HEMK2: variants seen among roughly 807,000 people sequenced by gnomAD.
HEMK2 encodes methyltransferase HEMK2.
At chr21:28,719,543 G>A in the HEMK2 span, among the ~76,000 whole-genome samples, 1 of 152,156 alleles carries the variant, frequency 6.6e-6, no homozygotes, top group Non-Finnish European at 1.5e-5. Flanking sequence ...TGAACTGTGA[G>A]TCCATTGAAC....
the HEMK2 span, among the ~76,000 whole-genome samples, chr21:28,767,558 GCAA>G: frequency 0.066 from 9,971 of 149,992 alleles, 385 homozygotes; most frequent in Middle Eastern, 0.095. Context: ...ATTGGCAAGA[GCAA>G]CAACATTATG....
At chr21:28,811,919 G>A in the HEMK2 span, among the ~76,000 whole-genome samples, 38 of 152,224 alleles carry the variant, frequency 2.5e-4, no homozygotes, top group South Asian at 3.7e-3. Context: ...AAATTCATCC[G>A]TTCTTTAAAA....
the HEMK2 span, among the ~76,000 whole-genome samples, chr21:28,737,395 G>T: frequency 6.6e-6 from 1 of 152,170 alleles, no homozygotes; most frequent in African/African-American, 2.4e-5. Context: ...AAAGTTCTGG[G>T]ATTACAGTCA....
chr21:28,620,213 A>G, the HEMK2 span, among the ~76,000 whole-genome samples: 1 of 152,164 alleles, frequency 6.6e-6, no homozygotes, highest in Admixed American at 6.5e-5. Context: ...CATCAGGGAT[A>G]TTGGCCTGAA....
the HEMK2 span, among the ~76,000 whole-genome samples, chr21:28,615,344 C>T: frequency 1.1e-3 from 161 of 151,930 alleles, 1 homozygote; most frequent in African/African-American, 3.5e-3. Context: ...TCCCCCTCCT[C>T]CTCTTCCTTC....
At chr21:28,706,997 T>C in the HEMK2 span, among the ~76,000 whole-genome samples, 1 of 152,172 alleles carries the variant, frequency 6.6e-6, no homozygotes, top group Non-Finnish European at 1.5e-5. Context: ...GAAATGACAT[T>C]TGGATTCTCT....
At chr21:28,745,310 A>G in the HEMK2 span, among the ~76,000 whole-genome samples, 1 of 152,232 alleles carries the variant, frequency 6.6e-6, no homozygotes, top group East Asian at 1.9e-4. Flanking sequence ...CGATATTTCC[A>G]GTCTCCTTTC....
At chr21:28,885,336 C>A in the HEMK2 span, 23 of 1,576,864 alleles carry the variant, frequency 1.5e-5, no homozygotes, top group Non-Finnish European at 1.8e-5. Flanking sequence ...GCGAAGTTCT[C>A]CCCTGCCATA....
chr21:28,716,267 GA>G, the HEMK2 span, among the ~76,000 whole-genome samples: 1 of 152,116 alleles, frequency 6.6e-6, no homozygotes, highest in Non-Finnish European at 1.5e-5. Context: ...CATGTGCCTA[GA>G]ATGTTTTGTT....
the HEMK2 span, among the ~76,000 whole-genome samples, chr21:28,787,776 C>G: frequency 6.6e-6 from 1 of 152,162 alleles, no homozygotes; most frequent in Non-Finnish European, 1.5e-5. Context: ...CAAACTAGTA[C>G]AGCCACTAGA....
the HEMK2 span, among the ~76,000 whole-genome samples, chr21:28,738,557 G>A: frequency 6.6e-6 from 1 of 152,190 alleles, no homozygotes; most frequent in Non-Finnish European, 1.5e-5. Context: ...GGCAGGGACA[G>A]TTCAATCTGC....
chr21:28,721,517 C>T, the HEMK2 span, among the ~76,000 whole-genome samples: 1 of 151,886 alleles, frequency 6.6e-6, no homozygotes, highest in Non-Finnish European at 1.5e-5. Context: ...TTAAATGTGG[C>T]CACTAGAAAA....
At chr21:28,878,652 G>T in the HEMK2 span, among the ~76,000 whole-genome samples, 1 of 151,772 alleles carries the variant, frequency 6.6e-6, no homozygotes, top group Admixed American at 6.6e-5. Flanking sequence ...CCACTGTTAG[G>T]AATAAATAAG....
chr21:28,726,764 C>T, the HEMK2 span, among the ~76,000 whole-genome samples: 7 of 151,038 alleles, frequency 4.6e-5, no homozygotes, highest in East Asian at 9.8e-4. Flanking sequence ...AAAAATTAGC[C>T]GGGAGTGGTG....
At chr21:28,765,553 A>G in the HEMK2 span, among the ~76,000 whole-genome samples, 2 of 152,262 alleles carry the variant, frequency 1.3e-5, no homozygotes, top group Admixed American at 6.5e-5. Context: ...TTTTAAACCA[A>G]TAAACCATGT....
At chr21:28,804,456 C>T in the HEMK2 span, among the ~76,000 whole-genome samples, 28 of 152,042 alleles carry the variant, frequency 1.8e-4, no homozygotes, top group Non-Finnish European at 3.5e-4. Flanking sequence ...ATGTTGAGGC[C>T]GGGCACAGTG....
chr21:28,681,123 C>T, the HEMK2 span, among the ~76,000 whole-genome samples: 3 of 152,184 alleles, frequency 2.0e-5, no homozygotes, highest in Non-Finnish European at 2.9e-5. Context: ...TCCCTGTTTG[C>T]AGATGACATA....
the HEMK2 span, among the ~76,000 whole-genome samples, chr21:28,807,800 G>C: frequency 6.6e-6 from 1 of 152,128 alleles, no homozygotes; most frequent in Non-Finnish European, 1.5e-5. Flanking sequence ...GAAATATCCT[G>C]ACCAGCTAAA....
At chr21:28,744,422 A>T in the HEMK2 span, among the ~76,000 whole-genome samples, 1 of 152,316 alleles carries the variant, frequency 6.6e-6, no homozygotes, top group East Asian at 1.9e-4. Flanking sequence ...AAAGTCATTC[A>T]TGGTTAATTG....
Sources: gnomAD v4.1 joint callset for allele counts (sites outside exome capture counted in the v4.1 genomes callset) on GRCh38, gnomAD v4.1.1 for gene constraint, MANE v1.5 for transcripts, NCBI Gene and HGNC (gene_info 2026-07-23, HGNC 2026-07-21) for gene names.